IL1RAPL1: variants seen among roughly 807,000 people sequenced by gnomAD.
IL1RAPL1 encodes interleukin 1 receptor accessory protein like 1.
IL1RAPL1 carries 3 observed loss-of-function variants against 48.4 expected under a neutral mutation model. The observed-to-expected ratio is 0.06, with a 90% CI of 0.03 to 0.16. IL1RAPL1 has a LOEUF of 0.16. Ranked by LOEUF, IL1RAPL1 falls within the 10% of genes least tolerant of loss-of-function variation. The pLI is 1.00. For missense variants in IL1RAPL1, 349 were observed against 530.6 expected (o/e 0.66, Z 3.36); for synonymous variants, 185 against 187.7 (o/e 0.99, Z 0.12).
At chrX:29,803,505 G>GTGTATATA (rs201536628) in intron 6 of IL1RAPL1, among the ~76,000 whole-genome samples, 3 of 91,597 alleles carry the variant, frequency 3.3e-5, no homozygotes, top group Non-Finnish European at 6.2e-5. Flanking sequence ...GTATACATAT[G>GTGTATATA]TGTATATATG....
chrX:29,249,370 G>C (rs900604501), intron 2 of IL1RAPL1, among the ~76,000 whole-genome samples: 1 of 111,587 alleles, frequency 9.0e-6, no homozygotes, highest in Admixed American at 9.6e-5. Flanking sequence ...TAGGAATCTG[G>C]TAATAGTGAA....
intron 2 of IL1RAPL1, among the ~76,000 whole-genome samples, chrX:29,088,220 A>C (rs1927997086): frequency 8.9e-6 from 1 of 112,251 alleles, no homozygotes. Context: ...AAAGAAAATC[A>C]AGCAACATTA....
At chrX:29,506,438 T>TCCTCCTCCTCCTCCTCCTC (rs1556025757) in intron 5 of IL1RAPL1, among the ~76,000 whole-genome samples, 13 of 90,634 alleles carry the variant, frequency 1.4e-4, no homozygotes, top group African/African-American at 5.7e-4. Flanking sequence ...TCCTTCTCCT[T>TCCTCCTCCTCCTCCTCCTC]CTCCTCCTCC....
chrX:29,134,778 G>A (rs1449511606), intron 2 of IL1RAPL1, among the ~76,000 whole-genome samples: 3 of 109,987 alleles, frequency 2.7e-5, no homozygotes, highest in Non-Finnish European at 5.7e-5. Context: ...TAATTCCTTG[G>A]GTCTATTACC....
chrX:28,672,598 C>A (rs1237791562), intron 1 of IL1RAPL1, among the ~76,000 whole-genome samples: 2 of 111,080 alleles, frequency 1.8e-5, no homozygotes, highest in African/African-American at 6.6e-5. Flanking sequence ...TCTATTAATT[C>A]TGTTTCCTGG....
intron 1 of IL1RAPL1, among the ~76,000 whole-genome samples, chrX:28,777,869 G>A (rs1471739245): frequency 2.7e-5 from 3 of 111,252 alleles, no homozygotes; most frequent in Non-Finnish European, 5.7e-5. Context: ...ATCCTACAAT[G>A]TACAGGACAG....
chrX:29,920,942 G>A (rs552723782), intron 8 of IL1RAPL1, among the ~76,000 whole-genome samples: 1 of 109,507 alleles, frequency 9.1e-6, no homozygotes, highest in East Asian at 2.8e-4. Context: ...CCCCACTGCA[G>A]TATTTTTTGA....
intron 2 of IL1RAPL1, among the ~76,000 whole-genome samples, chrX:29,106,529 G>A (rs1159779274): frequency 9.0e-6 from 1 of 111,241 alleles, no homozygotes; most frequent in African/African-American, 3.3e-5. Context: ...TGACTTGTGA[G>A]AAAAATAACA....
chrX:29,399,066 T>C, intron 4 of IL1RAPL1, 89 bp from the exon 5 acceptor site: 2 of 728,297 alleles, frequency 2.7e-6, no homozygotes, highest in East Asian at 6.5e-5. Context: ...TAAAATGCAA[T>C]TTTAGAAGCT....
At chrX:28,956,045 C>T (rs1924600236) in intron 2 of IL1RAPL1, among the ~76,000 whole-genome samples, 1 of 106,152 alleles carries the variant, frequency 9.4e-6, no homozygotes, top group Non-Finnish European at 1.9e-5. Flanking sequence ...TGAATGGGAG[C>T]TCACTCATGA....
intron 5 of IL1RAPL1, among the ~76,000 whole-genome samples, chrX:29,484,497 C>G (rs778975577): frequency 9.0e-6 from 1 of 111,645 alleles, no homozygotes; most frequent in Non-Finnish European, 1.9e-5. Flanking sequence ...ACACAATAAA[C>G]GAGCAAAAAA....
In IL1RAPL1 at chrX:29,803,172, CATACATATATGTATATATGTATACAT is replaced by C. The variant is rs1163408415; in HGVS notation, c.779-114286_779-114261del. ...ATGTGTATACATGCATACACATATG[CATACATATATGTATATATGTATACAT>C]ATACACACATGTATATATGTATACA... is the stretch of plus-strand genomic sequence containing the variant. On this transcript the variant is annotated intron_variant, in intron 6 of 10. Transcript: ENST00000378993. Among the ~76,000 whole-genome samples, 248 of 57,620 alleles carry C rather than the reference CATACATATATGTATATATGTATACAT, an allele frequency of 4.3e-3. 14 individuals carry two copies. The highest frequency in any genetic ancestry group is 0.014 in the African/African-American group (192 of 13,515). The allele number at this position is 57,620 out of a possible 115,157, so 50.0% of individuals were successfully genotyped here.
chrX:29,883,996 T>A (rs5973243), intron 6 of IL1RAPL1, among the ~76,000 whole-genome samples: 3,565 of 111,883 alleles, frequency 0.032, 127 homozygotes, highest in African/African-American at 0.11. Flanking sequence ...TTGATAACCA[T>A]CCCTTTCTTT....
At chrX:28,615,435 G>T (rs902306907) in intron 1 of IL1RAPL1, among the ~76,000 whole-genome samples, 1 of 109,371 alleles carries the variant, frequency 9.1e-6, no homozygotes, top group Non-Finnish European at 1.9e-5. Flanking sequence ...ACTATAGCTC[G>T]ATTGTGTATA....
At chrX:29,413,653 C>G (rs1356114863) in intron 5 of IL1RAPL1, among the ~76,000 whole-genome samples, 1 of 109,651 alleles carries the variant, frequency 9.1e-6, no homozygotes, top group Non-Finnish European at 1.9e-5. Flanking sequence ...TGGTTTCCAG[C>G]TTCATCCATG....
intron 3 of IL1RAPL1, among the ~76,000 whole-genome samples, chrX:29,342,154 G>GTGTTTGT (rs1555995845): frequency 2.8e-4 from 21 of 74,373 alleles, no homozygotes; most frequent in African/African-American, 1.6e-3. Flanking sequence ...GTGTGTGTGT[G>GTGTTTGT]TTTGTTTTGT....
At chrX:29,009,198 G>C (rs181395319) in intron 2 of IL1RAPL1, among the ~76,000 whole-genome samples, 1 of 109,462 alleles carries the variant, frequency 9.1e-6, no homozygotes, top group Non-Finnish European at 1.9e-5. Flanking sequence ...TCCTTCTTGA[G>C]GGGGTAGGGT....
intron 1 of IL1RAPL1, among the ~76,000 whole-genome samples, chrX:28,759,011 C>T (rs1162795959): frequency 8.9e-6 from 1 of 112,031 alleles, no homozygotes; most frequent in Non-Finnish European, 1.9e-5. Context: ...CCGAGGAGGG[C>T]AGATCACCTA....
rs766225954 is a variant in IL1RAPL1, at chrX:29,231,089, CT to C, written c.83-51847del. On this transcript the variant is annotated intron_variant, in intron 2 of 10. Transcript: ENST00000378993. ...AGACTTGAATTTCACTACCTGGATT[CT>C]TCTCTTTGGCTTCATGTTTGCAGAT... Among the ~76,000 whole-genome samples the C allele has an allele frequency of 8.9e-5, 10 of 112,376 alleles. No individual in the cohort carries two copies. The South Asian group carries it at 3.7e-3, about 41-fold the overall frequency.
Sources: gnomAD v4.1 joint callset for allele counts (sites outside exome capture counted in the v4.1 genomes callset) on GRCh38, gnomAD v4.1.1 for gene constraint, MANE v1.5 for transcripts, NCBI Gene and HGNC (gene_info 2026-07-23, HGNC 2026-07-21) for gene names.